Variants in FUT8 observed in about 807,000 individuals in gnomAD.
FUT8 encodes the protein fucosyltransferase 8, also known as alpha-(1,6)-fucosyltransferase.
FUT8 carries 29 observed loss-of-function variants against 71.3 expected under a neutral mutation model. The ratio of observed to expected loss-of-function variants is 0.41; its 90% confidence interval spans 0.30 to 0.55. The LOEUF is 0.55. FUT8 is among the 20% of genes least tolerant of loss of function. The probability of loss-of-function intolerance (pLI) is 0.34; values close to 1 mark genes in which losing one functional copy is unlikely to be tolerated. For synonymous variants in FUT8, 254 were observed against 239.3 expected (o/e 1.06, Z -0.57); for missense variants, 544 against 702.1 (o/e 0.77, Z 2.55).
At chr14:65,649,276 G>T (rs1248856309) in intron 6 of FUT8, among the ~76,000 whole-genome samples, 1 of 152,168 alleles carries the variant, frequency 6.6e-6, no homozygotes, top group Non-Finnish European at 1.5e-5. Context: ...AGATCTACCT[G>T]AGGTTGGTGA....
the FUT8 span, among the ~76,000 whole-genome samples, chr14:65,386,502 T>C: frequency 6.0e-5 from 3 of 49,680 alleles, no homozygotes; most frequent in South Asian, 2.5e-3. Flanking sequence ...AGACCTCGTC[T>C]CAAAAAAAAA....
intron 3 of FUT8, among the ~76,000 whole-genome samples, chr14:65,572,205 G>A (rs1366296387): frequency 6.6e-6 from 1 of 152,134 alleles, no homozygotes; most frequent in Non-Finnish European, 1.5e-5. Context: ...AGAGCTGTTA[G>A]CTTGTGCTTT....
chr14:65,616,185 T>C, intron 4 of FUT8, 26 bp from the exon 5 acceptor site: 2 of 1,599,508 alleles, frequency 1.3e-6, no homozygotes, highest in Non-Finnish European at 1.7e-6. Context: ...TTGGAAATGC[T>C]ACAACTCTCT....
chr14:65,615,716 G>C (rs1889244353), intron 3 of FUT8, among the ~76,000 whole-genome samples: 2 of 152,144 alleles, frequency 1.3e-5, no homozygotes, highest in African/African-American at 4.8e-5. Context: ...TTAGGAAACA[G>C]CTCTAGAGGT....
In FUT8 at chr14:65,669,437, G is replaced by A; in HGVS notation, c.792G>A (p.Glu264=). ...GWETVFRPVS[E]TCTDRSGIST... Reference sequence around the variant, plus strand: ...AGACTGTATTTAGGCCTGTAAGTGAGACATGCACAGACAGATCTGGCATCT... The same window carrying A: ...AGACTGTATTTAGGCCTGTAAGTGAAACATGCACAGACAGATCTGGCATCT... The change falls in exon 7 of 11, where the codon GAG becomes GAA. Residue 264 remains glutamate (E), a synonymous_variant. Coordinates refer to ENST00000673929, the MANE Select transcript of FUT8 (RefSeq NM_001371533.1). The surrounding 1 kb of genome is among the most constrained non-coding windows in gnomAD (Gnocchi z 4.5). 1 of 1,613,646 alleles carries A rather than the reference G, an allele frequency of 6.2e-7. No individual in the cohort carries two copies. Among genetic ancestry groups the A allele is most frequent in the Non-Finnish European group, 8.5e-7 (1 of 1,179,730 alleles).
At chr14:65,716,521 C>T (rs980435443) in intron 7 of FUT8, among the ~76,000 whole-genome samples, 5 of 151,622 alleles carry the variant, frequency 3.3e-5, no homozygotes, top group African/African-American at 1.2e-4. Context: ...TGACACAGCA[C>T]ATGTTTCAGA....
At chr14:65,527,058 A>G (rs1402603185) in intron 2 of FUT8, among the ~76,000 whole-genome samples, 21 of 152,040 alleles carry the variant, frequency 1.4e-4, no homozygotes, top group Admixed American at 3.3e-4. Flanking sequence ...TGCTCTTCTC[A>G]AGGAGTATCT....
At chr14:65,401,874 G>T in the FUT8 span, among the ~76,000 whole-genome samples, 2 of 147,132 alleles carry the variant, frequency 1.4e-5, no homozygotes, top group Non-Finnish European at 3.0e-5. Context: ...TCCAGCCTGG[G>T]TGACAGAGTG....
chr14:65,629,502 A>G lies in FUT8; in HGVS notation c.493A>G (p.Thr165Ala), dbSNP rs1418186045. 6.2e-7 allele frequency: 1 copy of G among 1,612,572 alleles called. No individual in the cohort carries two copies. Among genetic ancestry groups the G allele is most frequent in the Admixed American group, 1.7e-5 (1 of 60,006 alleles). Residue 165 changes from threonine (T) to alanine (A), a missense_variant, in exon 6 of 11, where the codon ACG (threonine) becomes GCG (alanine). By Grantham distance (58) the Thr-to-Ala change is moderately conservative. Coordinates refer to ENST00000673929, the MANE Select transcript of FUT8 (RefSeq NM_001371533.1). The part of the protein sequence containing the change: ...DLGHHERSIM[T>A]DLYYLSQTDG... Reference sequence around the variant, plus strand: ...TGTTTGTTTTAACAGGTCTATAATGACGGATCTATACTACCTCAGTCAGAC... The same window carrying G: ...TGTTTGTTTTAACAGGTCTATAATGGCGGATCTATACTACCTCAGTCAGAC...
chr14:65,609,823 G>A (rs1888786617), intron 3 of FUT8, among the ~76,000 whole-genome samples: 1 of 151,688 alleles, frequency 6.6e-6, no homozygotes, highest in African/African-American at 2.4e-5. Context: ...GATTTGTATT[G>A]AGTATTCTAG....
intron 1 of FUT8, among the ~76,000 whole-genome samples, chr14:65,418,119 A>G (rs965550667): frequency 6.6e-6 from 1 of 152,216 alleles, no homozygotes; most frequent in African/African-American, 2.4e-5. Context: ...AGACGGTTAG[A>G]ATTAGTTTTT....
At chr14:65,608,963 A>T (rs1266280201) in intron 3 of FUT8, among the ~76,000 whole-genome samples, 1 of 151,572 alleles carries the variant, frequency 6.6e-6, no homozygotes, top group African/African-American at 2.4e-5. Context: ...TACTTTATGT[A>T]GTCTGGATAC....
chr14:65,431,622 C>A (rs1355017531), intron 1 of FUT8, among the ~76,000 whole-genome samples: 1 of 151,118 alleles, frequency 6.6e-6, no homozygotes, highest in Admixed American at 6.6e-5. Flanking sequence ...CTTCCTAGGG[C>A]CTGATTCCAG....
At chr14:65,596,522 C>G (rs985720556) in intron 3 of FUT8, among the ~76,000 whole-genome samples, 1 of 152,098 alleles carries the variant, frequency 6.6e-6, no homozygotes, top group Admixed American at 6.5e-5. Context: ...TTTAATGTTA[C>G]TGAAGTTTTT....
chr14:65,663,723 A>G (rs911955916), intron 6 of FUT8, among the ~76,000 whole-genome samples: 2 of 152,112 alleles, frequency 1.3e-5, no homozygotes, highest in Non-Finnish European at 2.9e-5. Context: ...AAGAATTAAT[A>G]TAGTCTATCT....
At chr14:65,741,045 T>C (rs1295219235) in intron 10 of FUT8, among the ~76,000 whole-genome samples, 1 of 152,008 alleles carries the variant, frequency 6.6e-6, no homozygotes, top group Non-Finnish European at 1.5e-5. Context: ...TAACTGGAGA[T>C]TTAGGAAAAT....
At chr14:65,414,123 A>C (rs765376301) in intron 1 of FUT8, among the ~76,000 whole-genome samples, 1 of 152,214 alleles carries the variant, frequency 6.6e-6, no homozygotes, top group Non-Finnish European at 1.5e-5. Flanking sequence ...GGACCCAGAA[A>C]AGCCAAATTC....
At chr14:65,727,404 A>G (rs558176180) in intron 9 of FUT8, among the ~76,000 whole-genome samples, 2 of 152,230 alleles carry the variant, frequency 1.3e-5, no homozygotes, top group African/African-American at 4.8e-5. Flanking sequence ...TCAGTTCCTG[A>G]CTTCTGTGCG....
At chr14:65,366,652 G>T in the FUT8 span, among the ~76,000 whole-genome samples, 3 of 152,140 alleles carry the variant, frequency 2.0e-5, no homozygotes, top group African/African-American at 7.2e-5. Flanking sequence ...CTCTTAAAAG[G>T]CCTACCTCAT....
Sources: gnomAD v4.1 joint callset for allele counts (sites outside exome capture counted in the v4.1 genomes callset) on GRCh38, gnomAD v4.1.1 for gene constraint, Gnocchi (gnomAD v3.1) non-coding constraint, MANE v1.5 for transcripts, NCBI Gene and HGNC (gene_info 2026-07-23, HGNC 2026-07-21) for gene names.